The following CSMD1 variants were observed in gnomAD, a reference collection of about 807,000 sequenced individuals.
CSMD1 encodes CUB and sushi domain-containing protein 1.
A neutral mutation model predicts 417.5 loss-of-function variants in CSMD1; 213 were observed. The ratio of observed to expected loss-of-function variants is 0.51; its 90% CI spans 0.46 to 0.57. The LOEUF is 0.57. CSMD1 is among the 20% of genes least tolerant of loss of function. The pLI is 0.00. For missense variants in CSMD1, 6,923 were observed against 4,529.7 expected, an observed-to-expected ratio of 1.53 and a Z score of -15.17; for synonymous variants, 2,862 against 1,736.8, an observed-to-expected ratio of 1.65 and a Z score of -16.11.
intron 2 of CSMD1, among the ~76,000 whole-genome samples, chr8:4,471,551 A>G (rs568312674): frequency 2.3e-4 from 35 of 152,242 alleles, no homozygotes; most frequent in African/African-American, 7.9e-4. Context: ...GAACCAGTGC[A>G]TGGTGTTTAA....
In CSMD1 at chr8:3,444,187, T is replaced by C. The variant is rs145134397; in HGVS notation, c.1561+24525A>G. ...TCCAGATCATAATGTTGAAATATCA[T>C]TTGCCATTCAAGGAAGCCAAGAATC... On this transcript the variant is annotated intron_variant, in intron 12 of 69. Transcript: ENST00000635120. 1.1e-4 allele frequency among the ~76,000 whole-genome samples: 17 copies of C among 152,292 alleles called. No individual in the cohort carries two copies. In the East Asian group the frequency reaches 2.9e-3, roughly 26 times the overall value.
chr8:3,449,738 A>C lies in CSMD1; in HGVS notation c.1561+18974T>G, dbSNP rs142962583. On this transcript the variant is annotated intron_variant, in intron 12 of 69. Transcript: ENST00000635120. ...TCACCATGTTGGTCAGGCCTGTCTC[A>C]AACTCTTGACCTCAGGTGATCCTCC... Among the ~76,000 whole-genome samples, 1,125 of 152,218 alleles carry C rather than the reference A, an allele frequency of 7.4e-3. 17 individuals carry two copies. Among genetic ancestry groups the C allele is most frequent in the African/African-American group, 0.025 (1,054 of 41,540 alleles).
At chr8:4,935,229 G>C (rs191982036) in intron 1 of CSMD1, among the ~76,000 whole-genome samples, 2 of 152,158 alleles carry the variant, frequency 1.3e-5, no homozygotes, top group Non-Finnish European at 2.9e-5. Flanking sequence ...TGGATCCAGA[G>C]TTCTTCCTGC....
chr8:4,177,685 A>G (rs1178619028), intron 3 of CSMD1, among the ~76,000 whole-genome samples: 11 of 143,776 alleles, frequency 7.7e-5, no homozygotes, highest in Admixed American at 7.1e-4. Flanking sequence ...ACCGCTAGCA[A>G]GACTAACAAA....
chr8:4,858,212 CA>C (rs913224800), intron 1 of CSMD1, among the ~76,000 whole-genome samples: 4 of 148,646 alleles, frequency 2.7e-5, no homozygotes, highest in Non-Finnish European at 6.0e-5. Context: ...CAAAATTCAA[CA>C]AACCTTCATG....
rs548183446 is a variant in CSMD1 at position 3,587,695 on chromosome 8, G to C, written c.1098-1435C>G. Reference sequence around the variant, plus strand: ...AGTCAAAGCAACTGGGAAAATTCTAGGTAAACAAAATTAAACACATTTCTT... The same window carrying C: ...AGTCAAAGCAACTGGGAAAATTCTACGTAAACAAAATTAAACACATTTCTT... On this transcript the variant is annotated intron_variant, in intron 8 of 69. Transcript: ENST00000635120. 5.3e-5 allele frequency among the ~76,000 whole-genome samples: 8 copies of C among 152,120 alleles called. No homozygotes were observed. In the South Asian group the frequency reaches 1.0e-3, roughly 20 times the overall value.
intron 5 of CSMD1, among the ~76,000 whole-genome samples, chr8:3,836,946 G>C (rs923992814): frequency 6.6e-6 from 1 of 150,852 alleles, no homozygotes; most frequent in Non-Finnish European, 1.5e-5. Context: ...ACTAAAGTTG[G>C]CAAAAATAAA....
At chr8:4,187,213 G>C (rs139072018) in intron 3 of CSMD1, among the ~76,000 whole-genome samples, 143 of 152,238 alleles carry the variant, frequency 9.4e-4, no homozygotes, top group African/African-American at 3.3e-3. Flanking sequence ...ATTCTGTTCA[G>C]AGAAAAAATA....
intron 10 of CSMD1, among the ~76,000 whole-genome samples, chr8:3,498,190 T>C (rs995546018): frequency 1.3e-5 from 2 of 152,204 alleles, no homozygotes; most frequent in Non-Finnish European, 2.9e-5. Flanking sequence ...AGCTTCTTGC[T>C]TATATTTGAC....
At chr8:3,695,735 T>G (rs922959138) in intron 7 of CSMD1, among the ~76,000 whole-genome samples, 23 of 152,290 alleles carry the variant, frequency 1.5e-4, no homozygotes, top group Admixed American at 1.3e-3. Context: ...GAAGGAAGGA[T>G]GACAGCTAAA....
chr8:3,727,684 T>G (rs1230134163), intron 6 of CSMD1, among the ~76,000 whole-genome samples: 1 of 152,200 alleles, frequency 6.6e-6, no homozygotes, highest in African/African-American at 2.4e-5. Context: ...AAAACAGCAT[T>G]ATTTACAATA....
intron 3 of CSMD1, among the ~76,000 whole-genome samples, chr8:4,140,366 C>G (rs184450988): frequency 3.5e-4 from 53 of 151,046 alleles, no homozygotes; most frequent in Non-Finnish European, 1.0e-4. Flanking sequence ...GGAATGGTGG[C>G]ACATGCCTGT....
chr8:4,708,430 T>C (rs1046370868), intron 1 of CSMD1, among the ~76,000 whole-genome samples: 2 of 152,218 alleles, frequency 1.3e-5, no homozygotes, highest in Non-Finnish European at 2.9e-5. Context: ...AAACTGCTAA[T>C]AGTTTCACTA....
At chr8:3,966,589 T>C (rs995379148) in intron 5 of CSMD1, among the ~76,000 whole-genome samples, 3 of 152,094 alleles carry the variant, frequency 2.0e-5, no homozygotes, top group Non-Finnish European at 2.9e-5. Context: ...TGGTTTGCAG[T>C]TTTTGGCATG....
chr8:4,691,047 C>T (rs1434828185), intron 1 of CSMD1, among the ~76,000 whole-genome samples: 1 of 152,076 alleles, frequency 6.6e-6, no homozygotes, highest in Non-Finnish European at 1.5e-5. Flanking sequence ...TTACGCCGTG[C>T]TTTGAAACAT....
At chr8:4,851,701 G>C (rs80014364) in intron 1 of CSMD1, among the ~76,000 whole-genome samples, 45 of 152,026 alleles carry the variant, frequency 3.0e-4, no homozygotes, top group Admixed American at 2.2e-3. Context: ...GTGTGGCATC[G>C]GCAATCACCC....
At chr8:4,444,483 A>C (rs1798666127) in intron 2 of CSMD1, among the ~76,000 whole-genome samples, 1 of 151,942 alleles carries the variant, frequency 6.6e-6, no homozygotes, top group African/African-American at 2.4e-5. Context: ...AAGCAGTCGC[A>C]TTCAATTAGG....
chr8:4,011,714 A>T (rs1816550982), intron 4 of CSMD1, among the ~76,000 whole-genome samples: 1 of 152,204 alleles, frequency 6.6e-6, no homozygotes, highest in Non-Finnish European at 1.5e-5. Flanking sequence ...CTTGCAAAAT[A>T]GTACGGAGTT....
chr8:3,377,132 C>T (rs184184453), intron 18 of CSMD1, among the ~76,000 whole-genome samples: 85 of 152,274 alleles, frequency 5.6e-4, no homozygotes, highest in South Asian at 4.1e-3. Flanking sequence ...CCTCAGCGTC[C>T]TGAACCGCTG....
Sources: allele counts gnomAD v4.1 joint callset (sites outside exome capture counted in the v4.1 genomes callset), GRCh38; gene constraint gnomAD v4.1.1; transcripts MANE v1.5; gene names NCBI Gene and HGNC (gene_info 2026-07-23, HGNC 2026-07-21).